Variants in WDHD1 observed in about 807,000 individuals in gnomAD.
The protein encoded by WDHD1 is WD repeat and HMG-box DNA-binding protein 1.
Under a neutral mutation model 135.4 loss-of-function variants are expected in WDHD1, and 111 were observed. That is an observed-to-expected ratio of 0.82 (90% CI 0.70 to 0.96). The LOEUF (loss-of-function observed/expected upper bound fraction) is 0.96, where lower values mean the gene tolerates loss of function less well. WDHD1 is among the 40% of genes least tolerant of loss of function. The pLI is 0.00. For synonymous variants in WDHD1, 434 were observed against 439.0 expected (o/e 0.99, Z 0.14); for missense variants, 1,351 against 1,336.3 (o/e 1.01, Z -0.17).
rs567124768 is a variant in WDHD1 at position 54,995,606 on chromosome 14, C to A, written c.1150G>T (p.Val384Phe). 1.5e-5 allele frequency: 23 copies of A among 1,585,890 alleles called. No homozygotes were observed. Among genetic ancestry groups the A allele is most frequent in the Middle Eastern group, 1.7e-4 (1 of 5,934 alleles). Reference protein sequence around the residue: ...SHILEDDENSVDISMLKTGSS... With the variant: ...SHILEDDENSFDISMLKTGSS... Reference sequence around the variant, plus strand: ...ATGCACAAAGTCAAATTCTTACCAACTGAGTTTTCATCATCTTCTAGGATG... The same window carrying A: ...ATGCACAAAGTCAAATTCTTACCAAATGAGTTTTCATCATCTTCTAGGATG... The change falls in exon 11 of 26, where the codon GTT becomes TTT. Residue 384 changes from valine to phenylalanine, a missense_variant. By Grantham distance (50) the Val-to-Phe change is conservative (BLOSUM62 -1). This residue lies in a region of WDHD1 where 1,330 missense variants were observed against 1,296.1 expected (regional missense o/e 1.03). Transcript: ENST00000360586.
At chr14:54,986,774 G>T (rs1280969473) in intron 14 of WDHD1, among the ~76,000 whole-genome samples, 1 of 152,098 alleles carries the variant, frequency 6.6e-6, no homozygotes, top group Non-Finnish European at 1.5e-5. Flanking sequence ...AAGACATGAG[G>T]GGAGGAAAAA....
chr14:54,991,122 T>C, intron 12 of WDHD1, 91 bp downstream of exon 12: 2 of 686,786 alleles, frequency 2.9e-6, no homozygotes, highest in Non-Finnish European at 4.8e-6. Flanking sequence ...ATCAAAGTTT[T>C]TAAAAATATG....
At chr14:55,020,378 G>C (rs1311469368) in intron 2 of WDHD1, among the ~76,000 whole-genome samples, 2 of 152,172 alleles carry the variant, frequency 1.3e-5, no homozygotes, top group African/African-American at 4.8e-5. Context: ...GCATTTGACA[G>C]AGTCTATTAT....
intron 10 of WDHD1, among the ~76,000 whole-genome samples, chr14:54,997,081 C>T (rs960252286): frequency 7.3e-6 from 1 of 137,114 alleles, no homozygotes; most frequent in Non-Finnish European, 1.5e-5. Flanking sequence ...TGAGCCACAG[C>T]GCCCAGCCTT....
chr14:54,982,873 G>A (rs2041640648), intron 15 of WDHD1, among the ~76,000 whole-genome samples: 1 of 152,094 alleles, frequency 6.6e-6, no homozygotes, highest in Non-Finnish European at 1.5e-5. Flanking sequence ...TTTAAAATAA[G>A]GTACTCCTGG....
At chr14:55,007,465 T>C (rs113520981) in intron 6 of WDHD1, 90 bp from the exon 7 acceptor site, 31,581 of 922,390 alleles carry the variant, frequency 0.034, 641 homozygotes, top group African/African-American at 0.047. Context: ...GTTCTTCAAA[T>C]CAATATATAT....
chr14:54,949,387 G>GA (rs1430598684), intron 24 of WDHD1, among the ~76,000 whole-genome samples: 1 of 152,138 alleles, frequency 6.6e-6, no homozygotes, highest in Non-Finnish European at 1.5e-5. Context: ...CAATCAACTG[G>GA]AAGAAAGGGT....
In WDHD1 at chr14:54,957,069, T is replaced by C. The variant is rs200590281; in HGVS notation, c.2881A>G (p.Ile961Val). 1.3e-4 allele frequency: 216 copies of C among 1,614,034 alleles called. 1 individual carries two copies. The highest frequency in any genetic ancestry group is 5.9e-6 in the Non-Finnish European group (7 of 1,180,012). ...RTTNNEKSPI[I>V]KPLIPKPKPK... ...TTCGGCTTTGGAATCAGAGGCTTTA[T>C]AATGGGAGACTTTTCATTATTTGTA... is the stretch of plus-strand genomic sequence containing the variant. The change falls in exon 23 of 26, where the codon ATA becomes GTA. Residue 961 changes from isoleucine (I) to valine (V), a missense_variant. Transcript: ENST00000360586.
At position 54,987,338 on chromosome 14, in the gene WDHD1, T is replaced by C; in HGVS notation, c.1576A>G (p.Ile526Val). The change falls in exon 14 of 26, where the codon ATA (isoleucine) becomes GTA (valine). Residue 526 changes from isoleucine to valine, a missense_variant. This residue lies in a region of WDHD1 where 1,330 missense variants were observed against 1,296.1 expected (regional missense o/e 1.03). Transcript: ENST00000360586. Reference protein sequence around the residue: ...FSSWDSSKEWIIDLPQNEDIE... With the variant: ...FSSWDSSKEWVIDLPQNEDIE... ...TCCTCATTCTGAGGCAAGTCTATTATCCACTCTTTGCTTGAATCCCAAGAA... is the reference window on the plus strand; with the variant it reads ...TCCTCATTCTGAGGCAAGTCTATTACCCACTCTTTGCTTGAATCCCAAGAA... 1.9e-6 allele frequency: 3 copies of C among 1,614,068 alleles called. No individual in the cohort carries two copies. Among genetic ancestry groups the C allele is most frequent in the Non-Finnish European group, 2.5e-6 (3 of 1,180,004 alleles).
At chr14:55,003,647 T>A (rs1178052888) in intron 7 of WDHD1, among the ~76,000 whole-genome samples, 1 of 150,458 alleles carries the variant, frequency 6.6e-6, no homozygotes, top group Non-Finnish European at 1.5e-5. Flanking sequence ...CACTGCAACC[T>A]CTGCCTCCCA....
intron 16 of WDHD1, among the ~76,000 whole-genome samples, chr14:54,976,110 T>C (rs1195663215): frequency 6.6e-6 from 1 of 152,176 alleles, no homozygotes; most frequent in African/African-American, 2.4e-5. Flanking sequence ...ACTCGAGAGC[T>C]CGAGCTCTGG....
At chr14:54,952,934 G>GA (rs1297369398) in intron 24 of WDHD1, among the ~76,000 whole-genome samples, 1 of 152,190 alleles carries the variant, frequency 6.6e-6, no homozygotes, top group Non-Finnish European at 1.5e-5. Context: ...GTAGAAAGCT[G>GA]AAACTGGATC....
intron 16 of WDHD1, among the ~76,000 whole-genome samples, chr14:54,977,031 T>C (rs1337188823): frequency 6.6e-6 from 1 of 152,100 alleles, no homozygotes; most frequent in African/African-American, 2.4e-5. Flanking sequence ...ATTCTTTCAA[T>C]CTACTTATCA....
chr14:54,976,412 G>A (rs541221361), intron 16 of WDHD1, among the ~76,000 whole-genome samples: 1 of 152,012 alleles, frequency 6.6e-6, no homozygotes, highest in Non-Finnish European at 1.5e-5. Flanking sequence ...GCCCAGGCTA[G>A]CCTCAAACTC....
chr14:55,016,591 C>G (rs923432920), intron 2 of WDHD1, among the ~76,000 whole-genome samples: 3 of 152,152 alleles, frequency 2.0e-5, no homozygotes, highest in African/African-American at 7.2e-5. Flanking sequence ...ATGATTCTTC[C>G]TAAGAACTCA....
intron 12 of WDHD1, among the ~76,000 whole-genome samples, 172 bp from the exon 13 acceptor site, chr14:54,989,384 T>C (rs1026510608): frequency 6.6e-6 from 1 of 152,206 alleles, no homozygotes; most frequent in African/African-American, 2.4e-5. Context: ...GGAGTCATAA[T>C]ACCAGAGCTA....
intron 12 of WDHD1, among the ~76,000 whole-genome samples, chr14:54,990,424 C>A (rs1322244281): frequency 1.3e-5 from 2 of 151,926 alleles, no homozygotes; most frequent in Admixed American, 1.3e-4. Context: ...GGTGAAATCC[C>A]ATCTCTACTA....
chr14:54,963,195 G>C (rs373721103), intron 18 of WDHD1, 23 bp from the exon 19 acceptor site: 4 of 575,396 alleles, frequency 7.0e-6, no homozygotes, highest in African/African-American at 4.2e-5. Flanking sequence ...GGGGGGGGGG[G>C]GGGAGATCAA....
At chr14:54,941,758 A>G in intron 25 of WDHD1, 68 bp from the exon 26 acceptor site, 1 of 1,361,400 alleles carries the variant, frequency 7.3e-7, no homozygotes, top group Non-Finnish European at 1.0e-6. Flanking sequence ...TAAATGATTT[A>G]TTTACTTTTC....
Sources: allele counts gnomAD v4.1 joint callset (sites outside exome capture counted in the v4.1 genomes callset), GRCh38; gene constraint gnomAD v4.1.1; regional missense constraint gnomAD v4.1.1; transcripts MANE v1.5; gene names NCBI Gene and HGNC (gene_info 2026-07-23, HGNC 2026-07-21).